Variants in DIAPH3 observed in about 807,000 individuals in gnomAD.
The protein encoded by DIAPH3 is diaphanous related formin 3.
Under a neutral mutation model 144.3 loss-of-function variants are expected in DIAPH3, and 117 were observed. The observed-to-expected ratio is 0.81, with a 90% CI of 0.70 to 0.95. The LOEUF is 0.95. Among genes scored for constraint, DIAPH3 ranks in the 40% least tolerant of loss-of-function variants. DIAPH3 has a pLI of 0.00. For missense variants in DIAPH3, 1,421 were observed against 1,412.7 expected, an observed-to-expected ratio of 1.01 and a Z score of -0.09; for synonymous variants, 519 against 488.9, an observed-to-expected ratio of 1.06 and a Z score of -0.81.
chr13:59,821,272 C>A (rs1027016900), intron 24 of DIAPH3, among the ~76,000 whole-genome samples: 3 of 152,012 alleles, frequency 2.0e-5, no homozygotes, highest in African/African-American at 7.2e-5. Flanking sequence ...TCAGAGTAAA[C>A]AAGCTCATGC....
intron 20 of DIAPH3, among the ~76,000 whole-genome samples, chr13:59,882,163 A>C (rs991210245): frequency 3.3e-5 from 5 of 152,160 alleles, no homozygotes; most frequent in African/African-American, 1.2e-4. Flanking sequence ...ATCTCAGCTC[A>C]CTGCAACCTC....
At chr13:59,700,772 G>C (rs192248034) in intron 27 of DIAPH3, among the ~76,000 whole-genome samples, 1 of 152,202 alleles carries the variant, frequency 6.6e-6, no homozygotes, top group Admixed American at 6.5e-5. Flanking sequence ...CTGCTATAAC[G>C]GTAAGTCTTT....
chr13:60,005,466 A>T (rs1441505278), intron 9 of DIAPH3, among the ~76,000 whole-genome samples: 1 of 152,112 alleles, frequency 6.6e-6, no homozygotes, highest in East Asian at 1.9e-4. Context: ...ATATACAAAA[A>T]ATATTGAATC....
At chr13:59,937,496 T>C (rs2140361993) in intron 17 of DIAPH3, among the ~76,000 whole-genome samples, 1 of 152,280 alleles carries the variant, frequency 6.6e-6, no homozygotes, top group African/African-American at 2.4e-5. Context: ...AACTTGAGAC[T>C]AGAAGAAGTA....
At chr13:59,856,675 C>T (rs1325408493) in intron 22 of DIAPH3, among the ~76,000 whole-genome samples, 1 of 152,110 alleles carries the variant, frequency 6.6e-6, no homozygotes, top group Non-Finnish European at 1.5e-5. Context: ...GGCCCTATCT[C>T]CAAACATAGT....
intron 20 of DIAPH3, among the ~76,000 whole-genome samples, chr13:59,883,561 A>T (rs533614155): frequency 6.6e-6 from 1 of 152,216 alleles, no homozygotes; most frequent in African/African-American, 2.4e-5. Flanking sequence ...AATTTATAAT[A>T]CTCTAAAAGC....
chr13:59,852,146 A>G (rs973221561), intron 22 of DIAPH3, among the ~76,000 whole-genome samples: 2 of 152,198 alleles, frequency 1.3e-5, no homozygotes, highest in Admixed American at 6.5e-5. Context: ...CCAAGAAGCC[A>G]CCATCACAGT....
intron 9 of DIAPH3, among the ~76,000 whole-genome samples, chr13:59,993,866 A>T (rs1394638163): frequency 6.6e-6 from 1 of 151,810 alleles, no homozygotes; most frequent in Non-Finnish European, 1.5e-5. Context: ...AATGCCATAT[A>T]ATTTTTAAAG....
At chr13:59,954,292 C>T in intron 17 of DIAPH3, among the ~76,000 whole-genome samples, 1 of 152,136 alleles carries the variant, frequency 6.6e-6, no homozygotes, top group Middle Eastern at 3.2e-3. Flanking sequence ...GAGGACTGGG[C>T]ACCATCCCTG....
intron 27 of DIAPH3, among the ~76,000 whole-genome samples, chr13:59,768,586 G>A (rs796957573): frequency 3.4e-4 from 52 of 152,166 alleles, no homozygotes; most frequent in African/African-American, 1.2e-3. Context: ...TTGGGGATGG[G>A]GGAGGGGTGG....
chr13:59,962,093 GAA>G (rs543672218), intron 17 of DIAPH3, among the ~76,000 whole-genome samples: 1 of 151,796 alleles, frequency 6.6e-6, no homozygotes, highest in South Asian at 2.1e-4. Flanking sequence ...TTAAAAAAAA[GAA>G]AAAAAGGCAA....
intron 4 of DIAPH3, among the ~76,000 whole-genome samples, chr13:60,091,606 C>A (rs1594640650): frequency 6.6e-6 from 1 of 152,056 alleles, no homozygotes; most frequent in African/African-American, 2.4e-5. Context: ...ACTTAAAAAA[C>A]AACAACTAAA....
intron 24 of DIAPH3, among the ~76,000 whole-genome samples, chr13:59,832,691 C>T (rs535782769): frequency 6.6e-5 from 10 of 151,788 alleles, no homozygotes; most frequent in African/African-American, 9.6e-5. Context: ...AGGCAAATTG[C>T]GTGTAGCTTA....
At chr13:59,770,575 G>A (rs2038071432) in intron 27 of DIAPH3, among the ~76,000 whole-genome samples, 1 of 152,108 alleles carries the variant, frequency 6.6e-6, no homozygotes, top group South Asian at 2.1e-4. Context: ...CTGAAAAATT[G>A]CATACATGCT....
intron 27 of DIAPH3, among the ~76,000 whole-genome samples, chr13:59,697,864 T>C (rs1160101624): frequency 6.6e-6 from 1 of 152,276 alleles, no homozygotes; most frequent in Non-Finnish European, 1.5e-5. Flanking sequence ...ATTGTGCCAA[T>C]GTCTTGTATT....
chr13:59,681,603 G>GT (rs34362880), intron 27 of DIAPH3, among the ~76,000 whole-genome samples: 8,085 of 148,556 alleles, frequency 0.054, 482 homozygotes, highest in African/African-American at 0.14. Flanking sequence ...TGTTTTAAGT[G>GT]TTTTTTTTTT....
intron 20 of DIAPH3, among the ~76,000 whole-genome samples, chr13:59,897,783 A>G (rs2046201323): frequency 6.6e-6 from 1 of 151,806 alleles, no homozygotes; most frequent in African/African-American, 2.4e-5. Flanking sequence ...AAAAAAAGAA[A>G]GTGGGTGCTG....
At chr13:59,706,784 G>A (rs2034454697) in intron 27 of DIAPH3, among the ~76,000 whole-genome samples, 1 of 152,098 alleles carries the variant, frequency 6.6e-6, no homozygotes, top group South Asian at 2.1e-4. Context: ...ACTTTCTTTT[G>A]TCTCCTTTTT....
At chr13:60,140,890 G>T (rs571516751) in intron 1 of DIAPH3, among the ~76,000 whole-genome samples, 1 of 152,190 alleles carries the variant, frequency 6.6e-6, no homozygotes, top group Admixed American at 6.5e-5. Flanking sequence ...TTTCAAGTAT[G>T]TCAGAATATA....
Sources: gnomAD v4.1 joint callset for allele counts (sites outside exome capture counted in the v4.1 genomes callset) on GRCh38, gnomAD v4.1.1 for gene constraint, MANE v1.5 for transcripts, NCBI Gene and HGNC (gene_info 2026-07-23, HGNC 2026-07-21) for gene names.